Variants in PROS1 observed in about 807,000 individuals in gnomAD.
The protein encoded by PROS1 is protein S.
Under a neutral mutation model 75.9 loss-of-function variants are expected in PROS1, and 29 were observed. That is an observed-to-expected ratio of 0.38 (90% confidence interval 0.28 to 0.52). The LOEUF (loss-of-function observed/expected upper bound fraction) is 0.52, where lower values mean the gene tolerates loss of function less well. Ranked by LOEUF, PROS1 falls within the 20% of genes least tolerant of loss-of-function variation. PROS1 has a pLI of 0.83. For missense variants in PROS1, 680 were observed against 810.3 expected, an observed-to-expected ratio of 0.84 and a Z score of 1.95; for synonymous variants, 245 against 280.6, an observed-to-expected ratio of 0.87 and a Z score of 1.27.
At chr3:93,918,460 C>A (rs1478756342) in intron 3 of PROS1, among the ~76,000 whole-genome samples, 1 of 152,070 alleles carries the variant, frequency 6.6e-6, no homozygotes, top group Non-Finnish European at 1.5e-5. Flanking sequence ...GTCCACACTG[C>A]CTTTATGAGC....
intron 1 of PROS1, among the ~76,000 whole-genome samples, chr3:93,964,873 G>C (rs1183727083): frequency 6.6e-6 from 1 of 152,104 alleles, no homozygotes; most frequent in Non-Finnish European, 1.5e-5. Context: ...AACACTTATG[G>C]AAAATAGAAA....
intron 4 of PROS1, among the ~76,000 whole-genome samples, chr3:93,909,528 G>A (rs1167763416): frequency 1.3e-5 from 2 of 150,910 alleles, no homozygotes; most frequent in Non-Finnish European, 2.9e-5. Flanking sequence ...TATCAATATG[G>A]CAAATGACAT....
chr3:93,956,825 A>G (rs1709610994), intron 1 of PROS1, among the ~76,000 whole-genome samples: 1 of 152,178 alleles, frequency 6.6e-6, no homozygotes, highest in Non-Finnish European at 1.5e-5. Flanking sequence ...AAGATTTAAA[A>G]TGAAGTTAAT....
intron 7 of PROS1, among the ~76,000 whole-genome samples, chr3:93,899,083 A>T (rs1708545901): frequency 6.6e-6 from 1 of 152,078 alleles, no homozygotes. Flanking sequence ...AAATGACAAT[A>T]TCAAGAACAT....
At chr3:93,954,662 A>C (rs1209475031) in intron 1 of PROS1, among the ~76,000 whole-genome samples, 1 of 152,220 alleles carries the variant, frequency 6.6e-6, no homozygotes, top group Non-Finnish European at 1.5e-5. Context: ...GGACATAGGC[A>C]TGGTCAAGGA....
chr3:93,899,004 G>A (rs1249955673), intron 7 of PROS1, among the ~76,000 whole-genome samples: 9 of 151,980 alleles, frequency 5.9e-5, no homozygotes, highest in Admixed American at 3.9e-4. Context: ...GGAAGTAAAG[G>A]AAAGGAAAGT....
At chr3:93,959,001 TTGTTTA>T in intron 1 of PROS1, among the ~76,000 whole-genome samples, 1 of 152,338 alleles carries the variant, frequency 6.6e-6, no homozygotes, top group Admixed American at 6.5e-5. Context: ...CAGGGTTCAG[TTGTTTA>T]TATTTAAGCA....
chr3:93,883,903 T>C (rs1418854176), intron 12 of PROS1, among the ~76,000 whole-genome samples: 1 of 152,110 alleles, frequency 6.6e-6, no homozygotes, highest in Admixed American at 6.5e-5. Flanking sequence ...TGAGCCAAGA[T>C]TGCATCACTG....
rs772250170 is a variant in PROS1, at chr3:93,877,084, C to T, written c.1752G>A (p.Leu584=). Residue 584 remains leucine (L), a synonymous_variant, in exon 14 of 15, where the codon CTG becomes CTA. Transcript: ENST00000394236. Reference sequence around the variant, plus strand: ...CTATTTTAAGTGGTGTCGACAACTCCAGATTGTTTCTGTTGACTCTAAATT... The same window carrying T: ...CTATTTTAAGTGGTGTCGACAACTCTAGATTGTTTCTGTTGACTCTAAATT... ...HLEFRVNRNN[L]ELSTPLKIET... 32 of 1,612,896 alleles carry T rather than the reference C, an allele frequency of 2.0e-5. No individual in the cohort carries two copies. In the East Asian group the frequency reaches 6.0e-4, roughly 30 times the overall value.
rs192194033 is a variant in PROS1, at chr3:93,884,690, A to T, written c.1492+38T>A. The T allele has an allele frequency of 7.7e-6, 12 of 1,567,134 alleles. No individual in the cohort carries two copies. In the African/African-American group the frequency reaches 1.5e-4, roughly 19 times the overall value. ...TGTTTGTTAATGAATAAATTTACTC[A>T]TTAATGAGAAAATAGAGATAAATGG... On this transcript the variant is annotated intron_variant, in intron 12 of 14. Transcript: ENST00000394236.
chr3:93,934,215 A>AAAT (rs1158292269), intron 1 of PROS1, among the ~76,000 whole-genome samples: 1 of 151,960 alleles, frequency 6.6e-6, no homozygotes, highest in Non-Finnish European at 1.5e-5. Context: ...AATGGTAAAA[A>AAAT]AATAATAATA....
chr3:93,903,171 A>C (rs1256457840), intron 6 of PROS1, among the ~76,000 whole-genome samples: 1 of 152,076 alleles, frequency 6.6e-6, no homozygotes, highest in Non-Finnish European at 1.5e-5. Flanking sequence ...CCTGGCTGTA[A>C]CAGTTTTTTA....
chr3:93,927,650 T>C (rs1350200369), intron 1 of PROS1, among the ~76,000 whole-genome samples: 2 of 151,714 alleles, frequency 1.3e-5, no homozygotes, highest in Non-Finnish European at 2.9e-5. Context: ...AGGTTTATAC[T>C]TGAGGTTAAA....
intron 1 of PROS1, among the ~76,000 whole-genome samples, chr3:93,935,885 C>T (rs994346983): frequency 3.1e-5 from 4 of 130,214 alleles, no homozygotes; most frequent in Non-Finnish European, 6.5e-5. Flanking sequence ...GCTAAGGAAT[C>T]AAGGAAAAAA....
chr3:93,927,991 G>GTATATA (rs145009652), intron 1 of PROS1, among the ~76,000 whole-genome samples: 8 of 15,164 alleles, frequency 5.3e-4, no homozygotes, highest in African/African-American at 1.9e-3. Context: ...ATGTGTGTGT[G>GTATATA]TGTATATATA....
chr3:93,908,371 T>G (rs1708707131), intron 4 of PROS1, among the ~76,000 whole-genome samples: 1 of 152,100 alleles, frequency 6.6e-6, no homozygotes, highest in African/African-American at 2.4e-5. Context: ...TATGCAACAG[T>G]GCAAGAAACA....
chr3:93,912,246 A>G (rs1708768660), intron 3 of PROS1, among the ~76,000 whole-genome samples: 2 of 152,006 alleles, frequency 1.3e-5, no homozygotes, highest in East Asian at 1.9e-4. Context: ...TTCTTGCTTT[A>G]TCATTCCATA....
intron 2 of PROS1, among the ~76,000 whole-genome samples, chr3:93,925,046 A>T (rs1391751645): frequency 6.6e-6 from 1 of 152,208 alleles, no homozygotes; most frequent in East Asian, 1.9e-4. Flanking sequence ...CCTTACCTAT[A>T]AATTGGTTGT....
rs182464255 is a variant in PROS1, at chr3:93,895,639, A to T, written c.965+937T>A. 5.3e-5 allele frequency among the ~76,000 whole-genome samples: 8 copies of T among 152,262 alleles called. No homozygotes were observed. The South Asian group carries it at 1.4e-3, about 28-fold the overall frequency. ...TCTGTCTCAAGTATTTTGCCTTCTCATTATTCCAAAAAAAATCCAATTTCT... is the reference window on the plus strand; with the variant it reads ...TCTGTCTCAAGTATTTTGCCTTCTCTTTATTCCAAAAAAAATCCAATTTCT... On this transcript the variant is annotated intron_variant, in intron 9 of 14. Coordinates refer to ENST00000394236, the MANE Select transcript of PROS1 (RefSeq NM_000313.4).
Sources: allele counts gnomAD v4.1 joint callset (sites outside exome capture counted in the v4.1 genomes callset), GRCh38; gene constraint gnomAD v4.1.1; transcripts MANE v1.5; gene names NCBI Gene and HGNC (gene_info 2026-07-23, HGNC 2026-07-21).